The following DIXDC1 variants were observed in gnomAD, a reference collection of about 807,000 sequenced individuals.
The protein encoded by DIXDC1 is DIX domain containing 1, also known as dixin.
Under a neutral mutation model 103.1 loss-of-function variants are expected in DIXDC1, and 64 were observed. That is an observed-to-expected ratio of 0.62 (90% CI 0.51 to 0.76). DIXDC1 has a LOEUF of 0.76. DIXDC1 is among the 30% of genes least tolerant of loss of function. DIXDC1 has a pLI of 0.00. For synonymous variants in DIXDC1, 266 were observed against 298.5 expected, an observed-to-expected ratio of 0.89 and a Z score of 1.12; for missense variants, 759 against 834.2, an observed-to-expected ratio of 0.91 and a Z score of 1.11.
At chr11:111,962,833 A>T (rs1431499268) in intron 1 of DIXDC1, among the ~76,000 whole-genome samples, 1 of 152,164 alleles carries the variant, frequency 6.6e-6, no homozygotes, top group East Asian at 1.9e-4. Flanking sequence ...GCTTTCCCTC[A>T]GACCAGAGTG....
rs782522789 is a variant in DIXDC1, at chr11:111,996,125, G to C, written c.1735G>C (p.Glu579Gln). ...AACTCAAGTAGGTAGTGAATACCGG[G>C]AGTCCTGGCCCCCTAACTCAAGTAA... ...PRTQVGSEYR[E>Q]SWPPNSKLPH... The change falls in exon 17 of 20, where the codon GAG becomes CAG. Residue 579 changes from glutamate (E) to glutamine (Q), a missense_variant. Around this residue, in one of 3 missense-constraint regions of DIXDC1, gnomAD observed 657 missense variants for 727.5 expected, o/e 0.90. Coordinates refer to ENST00000440460, the MANE Select transcript of DIXDC1 (RefSeq NM_001037954.4). 6.5e-5 allele frequency: 105 copies of C among 1,613,620 alleles called. 1 individual carries two copies. Among genetic ancestry groups the C allele is most frequent in the Middle Eastern group, 3.3e-4 (2 of 6,076 alleles).
chr11:112,006,133 A>C (rs1412317608), intron 17 of DIXDC1, among the ~76,000 whole-genome samples: 2 of 152,066 alleles, frequency 1.3e-5, no homozygotes, highest in African/African-American at 4.8e-5. Flanking sequence ...AGGAGCTACT[A>C]TCCAGTGCCT....
At chr11:111,974,844 ACCT>A in intron 4 of DIXDC1, 29 bp from the exon 5 acceptor site, 1 of 1,607,170 alleles carries the variant, frequency 6.2e-7, no homozygotes, top group Non-Finnish European at 8.5e-7. Flanking sequence ...AAGGACTGAC[ACCT>A]TCCCTTTGCT....
At chr11:111,931,647 T>G (rs1055485371) in intron 2 of DIXDC1, among the ~76,000 whole-genome samples, 69 of 151,978 alleles carry the variant, frequency 4.5e-4, no homozygotes, top group African/African-American at 1.5e-3. Flanking sequence ...CATCCCAAAA[T>G]AAATAAATAA....
chr11:111,992,964 G>A lies in DIXDC1; in HGVS notation c.1232G>A (p.Arg411Lys). The A allele has an allele frequency of 2.5e-6, 4 of 1,608,548 alleles. No individual in the cohort carries two copies. Among genetic ancestry groups the A allele is most frequent in the Non-Finnish European group, 3.4e-6 (4 of 1,177,656 alleles). Residue 411 changes from arginine to lysine, a missense_variant, in exon 12 of 20, where the codon AGG becomes AAG. By Grantham distance (26) the Arg-to-Lys change is conservative. This residue lies in a region of DIXDC1 where 657 missense variants were observed against 727.5 expected (regional missense o/e 0.90). Transcript: ENST00000440460. ...ELHNQNVDLQ[R>K]KLDERNRLLG... ...TTATTCTTGCAGGTGGATCTGCAGA[G>A]GAAGCTAGATGAGAGGAACCGGCTC...
intron 17 of DIXDC1, among the ~76,000 whole-genome samples, chr11:112,002,413 T>G (rs2137606928): frequency 6.6e-6 from 1 of 152,294 alleles, no homozygotes; most frequent in African/African-American, 2.4e-5. Flanking sequence ...ATCCAGCAAT[T>G]CCACTGCTGG....
Position 112,016,733 on chromosome 11 carries a change from G to T in DIXDC1, c.1799G>T (p.Cys600Phe), listed in dbSNP as rs782779028. 6.2e-6 allele frequency: 10 copies of T among 1,609,042 alleles called. No individual in the cohort carries two copies. Among genetic ancestry groups the T allele is most frequent in the Non-Finnish European group, 8.5e-6 (10 of 1,177,336 alleles). ...AGCTCTCCAACTGTCAGCAGCACCT[G>T]TACTAAAGTGCTCTATTTCACTGAC... ...SQSSPTVSST[C>F]TKVLYFTDRS... is the part of the protein sequence containing the mutation. Residue 600 changes from cysteine (C) to phenylalanine (F), a missense_variant, in exon 18 of 20, where the codon TGT becomes TTT. Physicochemically the swap from Cys to Phe is radical, Grantham distance 205. This residue lies in a region of DIXDC1 where 657 missense variants were observed against 727.5 expected (regional missense o/e 0.90). Coordinates refer to ENST00000440460, the MANE Select transcript of DIXDC1 (RefSeq NM_001037954.4).
rs1555178562 is a variant in DIXDC1 at position 112,021,951 on chromosome 11, C to A, written c.*2915C>A. The A allele has an allele frequency of 6.7e-6, 1 of 149,600 alleles. No homozygotes were observed. The highest frequency in any genetic ancestry group is 2.5e-5 in the African/African-American group (1 of 40,296). 9.3% of individuals were successfully genotyped at this position (149,600 alleles called of 1,614,324 possible). A position where few individuals can be genotyped will look rare whatever the true frequency, so the allele number is the denominator to read the frequency against. On this transcript the variant is annotated 3_prime_UTR_variant, in exon 20 of 20. Transcript: ENST00000440460. The stretch of plus-strand genomic sequence containing the variant: ...AGCTGATCATGCCACTGCACTCTAG[C>A]CTAGGCTACAGAGCAGGACCCCATC...
rs1555178527 is a variant in DIXDC1, at chr11:112,021,701, G to A, written c.*2665G>A. Reference sequence around the variant, plus strand: ...ACAAAATCTTCATTTAAGGCTGAGTGTGGTGGCTCATGCCTGTAATTCCAG... The same window carrying A: ...ACAAAATCTTCATTTAAGGCTGAGTATGGTGGCTCATGCCTGTAATTCCAG... On this transcript the variant is annotated 3_prime_UTR_variant, in exon 20 of 20. Transcript: ENST00000440460. 2.6e-5 allele frequency: 4 copies of A among 152,274 alleles called. No homozygotes were observed. Among genetic ancestry groups the A allele is most frequent in the African/African-American group, 9.6e-5 (4 of 41,466 alleles). The allele number at this position is 152,274 out of a possible 1,614,324, so 9.4% of individuals were successfully genotyped here.
At chr11:111,985,204 G>A (rs1555173681) in intron 7 of DIXDC1, 28 bp from the exon 8 acceptor site, 1 of 1,585,872 alleles carries the variant, frequency 6.3e-7, no homozygotes, top group Admixed American at 1.7e-5. Flanking sequence ...GGAGAGTTAA[G>A]TTTCTTTCTG....
intron 5 of DIXDC1, 175 bp downstream of exon 5, chr11:111,975,158 G>A: frequency 2.1e-6 from 3 of 1,417,022 alleles, no homozygotes; most frequent in Non-Finnish European, 2.8e-6. Flanking sequence ...AGGAGGGTAG[G>A]AAGGTAGGGT....
In DIXDC1 at chr11:111,977,252, G is replaced by T. The variant is rs1286033628; in HGVS notation, c.656+2269G>T. 1.0e-6 allele frequency: 1 copy of T among 997,310 alleles called. No individual in the cohort carries two copies. The highest frequency in any genetic ancestry group is 1.8e-5 in the African/African-American group (1 of 56,556). 61.8% of individuals were successfully genotyped at this position (997,310 alleles called of 1,614,324 possible). A position where few individuals can be genotyped will look rare whatever the true frequency, so the allele number is the denominator to read the frequency against. ...GCGGAGCTGGCTTGGGTCGGAGCCCGGCTGCCTCGCCGCGTGTGACAGCCC... is the reference window on the plus strand; with the variant it reads ...GCGGAGCTGGCTTGGGTCGGAGCCCTGCTGCCTCGCCGCGTGTGACAGCCC... On this transcript the variant is annotated intron_variant, in intron 5 of 19. Transcript: ENST00000440460. The surrounding 1 kb of genome is among the most constrained non-coding windows in gnomAD (Gnocchi z 6.1).
At chr11:111,991,036 A>G (rs928545315) in intron 10 of DIXDC1, among the ~76,000 whole-genome samples, 1 of 152,186 alleles carries the variant, frequency 6.6e-6, no homozygotes, top group African/African-American at 2.4e-5. Flanking sequence ...AAATGGGAGT[A>G]TATCTGTGCA....
At chr11:111,964,715 G>A (rs1555171357) in intron 2 of DIXDC1, 37 bp downstream of exon 2, 1 of 1,539,690 alleles carries the variant, frequency 6.5e-7, no homozygotes, top group African/African-American at 1.4e-5. Flanking sequence ...AGAGTACATA[G>A]ATCAGAATCT....
In DIXDC1 at chr11:111,985,277, C is replaced by A. The variant is rs782754812; in HGVS notation, c.964C>A (p.Pro322Thr). ...CTTACCTGAAGATGAACAGGAGAGGCCCTTGGCCCTCTGTGAACCAGGTGT... is the reference window on the plus strand; with the variant it reads ...CTTACCTGAAGATGAACAGGAGAGGACCTTGGCCCTCTGTGAACCAGGTGT... ...GSLPEDEQERPLALCEPGVNP... is the reference protein window; with the variant it reads ...GSLPEDEQERTLALCEPGVNP... The change falls in exon 8 of 20, where the codon CCC (proline) becomes ACC (threonine). Residue 322 changes from proline to threonine, a missense_variant. Transcript: ENST00000440460. The A allele has an allele frequency of 1.5e-5, 25 of 1,613,514 alleles. No homozygotes were observed. In the South Asian group the frequency reaches 2.7e-4, roughly 18 times the overall value.
intron 4 of DIXDC1, 112 bp downstream of exon 4, chr11:111,974,366 A>G (rs781849401): frequency 4.7e-6 from 5 of 1,063,422 alleles, no homozygotes; most frequent in African/African-American, 3.2e-5. Flanking sequence ...AGATTGCAGA[A>G]AAGAACATGG....
chr11:112,013,321 T>TGGGGGGGGGGGG (rs1403269609), intron 17 of DIXDC1, among the ~76,000 whole-genome samples: 39 of 35,708 alleles, frequency 1.1e-3, no homozygotes, highest in African/African-American at 1.5e-3. Context: ...GGTCGGGGGG[T>TGGGGGGGGGGGG]GGGGGTGGGG....
At chr11:112,012,067 A>G (rs587673422) in intron 17 of DIXDC1, among the ~76,000 whole-genome samples, 1 of 152,388 alleles carries the variant, frequency 6.6e-6, no homozygotes, top group Non-Finnish European at 1.5e-5. Flanking sequence ...AAAGATTTAA[A>G]TAAACGGAGA....
chr11:111,927,983 T>G (rs587741923), intron 1 of DIXDC1, among the ~76,000 whole-genome samples: 1 of 118,782 alleles, frequency 8.4e-6, no homozygotes, highest in Non-Finnish European at 1.6e-5. Flanking sequence ...GCCAAAGCAC[T>G]CCAGCCTGGG....
Sources: gnomAD v4.1 joint callset for allele counts (sites outside exome capture counted in the v4.1 genomes callset) on GRCh38, gnomAD v4.1.1 for gene constraint, gnomAD v4.1.1 regional missense constraint, Gnocchi (gnomAD v3.1) non-coding constraint, MANE v1.5 for transcripts, NCBI Gene and HGNC (gene_info 2026-07-23, HGNC 2026-07-21) for gene names.